Variants in SLC68A1 observed in about 807,000 individuals in gnomAD.
SLC68A1 encodes major facilitator superfamily domain containing 13A.
chr10:102,468,695 A>C, the SLC68A1 span: 1 of 216,816 alleles, frequency 4.6e-6, no homozygotes. Context: ...TCGAGCATCC[A>C]GCCCTGGCAC....
the SLC68A1 span, chr10:102,472,815 C>G: frequency 6.5e-7 from 1 of 1,530,576 alleles, no homozygotes; most frequent in African/African-American, 1.4e-5. Flanking sequence ...CAGCTCTCCT[C>G]CCACTGGAAG....
the SLC68A1 span, chr10:102,475,917 T>C: frequency 6.2e-7 from 1 of 1,613,790 alleles, no homozygotes; most frequent in Non-Finnish European, 8.5e-7. Context: ...GGGAGACGCC[T>C]GCACATGGTC....
At chr10:102,475,986 A>G in the SLC68A1 span, 1 of 1,563,458 alleles carries the variant, frequency 6.4e-7, no homozygotes, top group Non-Finnish European at 8.7e-7. Flanking sequence ...ATGGTGTGAG[A>G]GCTGTGGCAA....
At chr10:102,463,621 AG>A in the SLC68A1 span, among the ~76,000 whole-genome samples, 1 of 125,290 alleles carries the variant, frequency 8.0e-6, no homozygotes, top group East Asian at 2.7e-4. Context: ...AGATGGGGGC[AG>A]GGTGTGGGGG....
chr10:102,461,987 G>T, the SLC68A1 span: 1 of 152,316 alleles, frequency 6.6e-6, no homozygotes, highest in African/African-American at 2.4e-5. Flanking sequence ...AGAGCTCCTG[G>T]GCTGATCCCA....
the SLC68A1 span, chr10:102,468,910 G>C: frequency 1.3e-6 from 1 of 778,690 alleles, no homozygotes. Context: ...GTTAAGAACA[G>C]AGCTGGCTCT....
the SLC68A1 span, chr10:102,474,035 G>C: frequency 6.4e-7 from 1 of 1,568,838 alleles, no homozygotes; most frequent in African/African-American, 1.3e-5. Context: ...TAGCAGGCAA[G>C]GGCTCTTAAG....
At chr10:102,462,909 C>G in the SLC68A1 span, among the ~76,000 whole-genome samples, 1 of 152,320 alleles carries the variant, frequency 6.6e-6, no homozygotes, top group African/African-American at 2.4e-5. Context: ...GTGTCTTACT[C>G]AGAGAGGCAC....
At chr10:102,466,559 A>T in the SLC68A1 span, among the ~76,000 whole-genome samples, 1 of 151,980 alleles carries the variant, frequency 6.6e-6, no homozygotes, top group Non-Finnish European at 1.5e-5. Context: ...AGAAGGGTTG[A>T]ATTGCCTGAG....
At chr10:102,475,115 G>A in the SLC68A1 span, among the ~76,000 whole-genome samples, 1 of 151,896 alleles carries the variant, frequency 6.6e-6, no homozygotes, top group African/African-American at 2.4e-5. Context: ...AACATATAGT[G>A]AAACCCCCGC....
chr10:102,473,472 C>T, the SLC68A1 span: 9 of 1,235,760 alleles, frequency 7.3e-6, no homozygotes, highest in South Asian at 1.4e-5. Flanking sequence ...CCCAGTGCAT[C>T]GCTAGTGTAC....
At chr10:102,474,857 AGGCT>A in the SLC68A1 span, among the ~76,000 whole-genome samples, 1 of 151,980 alleles carries the variant, frequency 6.6e-6, no homozygotes, top group Non-Finnish European at 1.5e-5. Context: ...CAGGTTGCCC[AGGCT>A]GGTCTCAAAC....
the SLC68A1 span, chr10:102,473,702 G>C: frequency 6.2e-7 from 1 of 1,614,016 alleles, no homozygotes; most frequent in Non-Finnish European, 8.5e-7. Context: ...TTGTTGGCCG[G>C]CCCGGACCAC....
the SLC68A1 span, among the ~76,000 whole-genome samples, chr10:102,467,653 GCTT>G: frequency 2.5e-5 from 3 of 121,214 alleles, no homozygotes; most frequent in Non-Finnish European, 5.8e-5. Context: ...GGCTTACAGT[GCTT>G]CTTCTTTTTT....
chr10:102,470,168 G>A, the SLC68A1 span: 3 of 1,195,350 alleles, frequency 2.5e-6, no homozygotes, highest in East Asian at 4.9e-5. Context: ...GGTGGGGAAG[G>A]AAGGGGAGAC....
the SLC68A1 span, chr10:102,475,725 A>G: frequency 6.3e-7 from 1 of 1,597,012 alleles, no homozygotes. Context: ...GTCCTAGGTC[A>G]TGACCTCTTC....
At chr10:102,476,224 T>C in the SLC68A1 span, 1 of 534,858 alleles carries the variant, frequency 1.9e-6, no homozygotes. Context: ...CGTGCCACCA[T>C]GCCCGGCTAC....
chr10:102,476,558 G>T, the SLC68A1 span: 14 of 985,932 alleles, frequency 1.4e-5, no homozygotes, highest in Non-Finnish European at 1.7e-5. Context: ...GTGCAGCCTG[G>T]AAGACATGGC....
At chr10:102,469,254 C>A in the SLC68A1 span, 1 of 1,576,540 alleles carries the variant, frequency 6.3e-7, no homozygotes, top group South Asian at 1.1e-5. Flanking sequence ...AGACTAGAGG[C>A]TGCCCAGGCT....
Sources: allele counts gnomAD v4.1 joint callset (sites outside exome capture counted in the v4.1 genomes callset), GRCh38; gene constraint gnomAD v4.1.1; transcripts MANE v1.5; gene names NCBI Gene and HGNC (gene_info 2026-07-23, HGNC 2026-07-21).